The following AP3B1 variants were observed in gnomAD, a reference collection of about 807,000 sequenced individuals.
AP3B1 encodes the protein AP-3 complex subunit beta-1.
In AP3B1, 61 loss-of-function variants were observed where a neutral mutation model predicts 132.5. The ratio of observed to expected loss-of-function variants is 0.46; its 90% confidence interval spans 0.37 to 0.57. The LOEUF (loss-of-function observed/expected upper bound fraction) is 0.57. AP3B1 is among the 20% of genes least tolerant of loss of function. The probability of loss-of-function intolerance (pLI) is 0.00; values close to 1 mark genes in which losing one functional copy is unlikely to be tolerated. For synonymous variants in AP3B1, 388 were observed against 438.3 expected (o/e 0.89, Z 1.43); for missense variants, 1,120 against 1,289.4 (o/e 0.87, Z 2.01).
chr5:78,215,908 T>C, intron 7 of AP3B1, 147 bp downstream of exon 7: 1 of 715,198 alleles, frequency 1.4e-6, no homozygotes, highest in South Asian at 1.8e-5. Flanking sequence ...ATTGGTTGCC[T>C]GCTTTAGTAA....
chr5:78,204,549 A>T (rs963154997), intron 7 of AP3B1, among the ~76,000 whole-genome samples: 4 of 152,196 alleles, frequency 2.6e-5, no homozygotes, highest in African/African-American at 9.6e-5. Flanking sequence ...TATTCCCCAA[A>T]GCATTCCATC....
chr5:78,051,375 G>A (rs190913317), intron 22 of AP3B1, among the ~76,000 whole-genome samples: 4 of 152,206 alleles, frequency 2.6e-5, no homozygotes, highest in Admixed American at 2.0e-4. Context: ...AGATTTATAG[G>A]ATACAAACTA....
intron 3 of AP3B1, among the ~76,000 whole-genome samples, chr5:78,236,808 T>C (rs907008960): frequency 6.6e-5 from 10 of 152,194 alleles, no homozygotes; most frequent in Non-Finnish European, 1.3e-4. Context: ...GTTTATTTTT[T>C]CCAGATATTT....
chr5:78,034,477 A>G, intron 23 of AP3B1, 32 bp from the exon 24 acceptor site: 1 of 1,519,788 alleles, frequency 6.6e-7, no homozygotes, highest in Non-Finnish European at 9.1e-7. Flanking sequence ...ACATGAAAAC[A>G]CAGAGGATGT....
At chr5:78,273,225 T>C (rs1196332306) in intron 1 of AP3B1, among the ~76,000 whole-genome samples, 1 of 151,952 alleles carries the variant, frequency 6.6e-6, no homozygotes, top group East Asian at 1.9e-4. Context: ...GGCAACATGG[T>C]GAGACTCCAT....
chr5:78,131,197 T>C (rs535756331), intron 15 of AP3B1, among the ~76,000 whole-genome samples: 2 of 152,026 alleles, frequency 1.3e-5, no homozygotes, highest in Non-Finnish European at 2.9e-5. Flanking sequence ...CTTCAGTGTA[T>C]GTATCTAGTA....
In AP3B1 at chr5:78,044,210, G is replaced by C. The variant is rs878898470; in HGVS notation, c.2578-4936C>G. ...TCTCCGACATGCACATGGCACCAAGGCTGTACTGGGATGACTCCAGAGCTA... is the reference window on the plus strand; with the variant it reads ...TCTCCGACATGCACATGGCACCAAGCCTGTACTGGGATGACTCCAGAGCTA... On this transcript the variant is annotated intron_variant, in intron 22 of 26. Coordinates refer to ENST00000255194, the MANE Select transcript of AP3B1 (RefSeq NM_003664.5). 3.2e-5 allele frequency: 6 copies of C among 189,880 alleles called. No homozygotes were observed. In the South Asian group the frequency reaches 6.8e-4, roughly 22 times the overall value. The allele number at this position is 189,880 out of a possible 1,614,324, so 11.8% of individuals were successfully genotyped here. A position where few individuals can be genotyped will look rare whatever the true frequency, so the allele number is the denominator to read the frequency against.
At chr5:78,180,317 T>C (rs550511264) in intron 8 of AP3B1, among the ~76,000 whole-genome samples, 10 of 152,072 alleles carry the variant, frequency 6.6e-5, no homozygotes, top group Non-Finnish European at 1.2e-4. Flanking sequence ...TCATTAAGAA[T>C]ACTTTCTCAA....
intron 1 of AP3B1, among the ~76,000 whole-genome samples, chr5:78,278,629 G>GAA (rs1561217293): frequency 5.2e-5 from 4 of 76,712 alleles, no homozygotes; most frequent in African/African-American, 1.5e-4. Flanking sequence ...AAAAAAAGGG[G>GAA]GGGGGGGACT....
chr5:78,032,696 A>C (rs1201356840), intron 24 of AP3B1, among the ~76,000 whole-genome samples: 1 of 151,900 alleles, frequency 6.6e-6, no homozygotes, highest in African/African-American at 2.4e-5. Flanking sequence ...CACACACACA[A>C]AATTTTTGAT....
intron 22 of AP3B1, among the ~76,000 whole-genome samples, chr5:78,057,437 A>C (rs1748861682): frequency 6.6e-6 from 1 of 152,202 alleles, no homozygotes; most frequent in Non-Finnish European, 1.5e-5. Context: ...AGAACTAGCC[A>C]GGGAGATAAT....
intron 8 of AP3B1, among the ~76,000 whole-genome samples, chr5:78,180,117 T>G (rs1744306224): frequency 6.6e-6 from 1 of 152,082 alleles, no homozygotes; most frequent in East Asian, 1.9e-4. Flanking sequence ...TACATTAAAA[T>G]ATAAGCATAT....
chr5:78,006,554 AAG>A (rs919746780), intron 26 of AP3B1, among the ~76,000 whole-genome samples: 10 of 152,182 alleles, frequency 6.6e-5, no homozygotes, highest in Non-Finnish European at 1.5e-4. Context: ...CCTCTCCCTA[AAG>A]AGACACCAGC....
At chr5:78,204,045 T>C (rs1215059717) in intron 7 of AP3B1, among the ~76,000 whole-genome samples, 1 of 152,160 alleles carries the variant, frequency 6.6e-6, no homozygotes, top group African/African-American at 2.4e-5. Context: ...TTAAAACCCT[T>C]GGGCTAGCAA....
intron 8 of AP3B1, among the ~76,000 whole-genome samples, chr5:78,178,112 T>TGAGACTG (rs1025210620): frequency 4.6e-5 from 7 of 152,210 alleles, no homozygotes; most frequent in Non-Finnish European, 8.8e-5. Flanking sequence ...GCTGCTGCTC[T>TGAGACTG]GAGACTGGGG....
rs1485047029 is a variant in AP3B1, at chr5:78,216,204, C to G, written c.637G>C (p.Glu213Gln). 5 of 1,613,826 alleles carry G rather than the reference C, an allele frequency of 3.1e-6. No homozygotes were observed. Among genetic ancestry groups the G allele is most frequent in the Middle Eastern group, 1.6e-4 (1 of 6,084 alleles). Residue 213 changes from glutamate to glutamine, a missense_variant, in exon 7 of 27, where the codon GAA becomes CAA. By Grantham distance (29) the Glu-to-Gln change is conservative. Transcript: ENST00000255194. ...VAGSVVMAFEEVCPDRIDLIH... is the reference protein window; with the variant it reads ...VAGSVVMAFEQVCPDRIDLIH... ...AGATCTATTCTGTCCGGGCATACTT[C>G]TTCAAAAGCCATCACAACACTGCCA...
chr5:78,114,701 C>T (rs1347889253), intron 18 of AP3B1, among the ~76,000 whole-genome samples: 1 of 152,132 alleles, frequency 6.6e-6, no homozygotes, highest in Non-Finnish European at 1.5e-5. Flanking sequence ...ATCTATGTAA[C>T]GAAGCCCTCT....
At chr5:78,121,573 G>A (rs1346318394) in intron 17 of AP3B1, 4 of 152,306 alleles carry the variant, frequency 2.6e-5, no homozygotes, top group Middle Eastern at 3.4e-3. Context: ...ACATCTCTAC[G>A]CAAATAAACT....
chr5:78,129,250 TGTC>T lies in AP3B1; in HGVS notation c.1705_1707del (p.Asp569del). 6.2e-7 allele frequency: 1 copy of T among 1,613,492 alleles called. No individual in the cohort carries two copies. Among genetic ancestry groups the T allele is most frequent in the Non-Finnish European group, 8.5e-7 (1 of 1,179,518 alleles). On this transcript the variant is annotated inframe_deletion, in exon 16 of 27. Transcript: ENST00000255194. ...CTAATAAATCTTGTACGGTCTCTGA[TGTC>T]GTAGTTTTGATCATACTTGCCGAGA...
Sources: gnomAD v4.1 joint callset for allele counts (sites outside exome capture counted in the v4.1 genomes callset) on GRCh38, gnomAD v4.1.1 for gene constraint, MANE v1.5 for transcripts, NCBI Gene and HGNC (gene_info 2026-07-23, HGNC 2026-07-21) for gene names.